Variants in CYP2J2 observed in about 807,000 individuals in gnomAD.
CYP2J2 encodes the protein cytochrome P450 family 2 subfamily J member 2.
CYP2J2 carries 41 observed loss-of-function variants against 48.8 expected under a neutral mutation model. The observed-to-expected ratio is 0.84, with a 90% CI of 0.66 to 1.09. The LOEUF (loss-of-function observed/expected upper bound fraction) is 1.09. Among genes scored for constraint, CYP2J2 ranks in the 50% least tolerant of loss-of-function variants. The probability of loss-of-function intolerance (pLI) is 0.00; values close to 1 mark genes in which losing one functional copy is unlikely to be tolerated. For synonymous variants in CYP2J2, 221 were observed against 227.1 expected (o/e 0.97, Z 0.24); for missense variants, 644 against 617.3 (o/e 1.04, Z -0.46).
chr1:59,898,466 G>A (rs968887710), intron 8 of CYP2J2, among the ~76,000 whole-genome samples: 2 of 152,218 alleles, frequency 1.3e-5, no homozygotes, highest in Admixed American at 6.5e-5. Flanking sequence ...CCAGGGGGCC[G>A]AGCCAAGATG....
chr1:59,939,343 A>G, the CYP2J2 span, among the ~76,000 whole-genome samples: 431 of 152,296 alleles, frequency 2.8e-3, 7 homozygotes, highest in Admixed American at 0.027. Flanking sequence ...CATAGAAGTA[A>G]TGCCTTGATG....
chr1:59,953,912 G>T, the CYP2J2 span, among the ~76,000 whole-genome samples: 1 of 152,116 alleles, frequency 6.6e-6, no homozygotes, highest in African/African-American at 2.4e-5. Context: ...AAAGACACTG[G>T]AGAACTTGGG....
At chr1:59,921,598 G>T (rs893393962) in intron 1 of CYP2J2, among the ~76,000 whole-genome samples, 1 of 151,922 alleles carries the variant, frequency 6.6e-6, no homozygotes. Flanking sequence ...GCTCTTCTAG[G>T]TCTCTTTAGG....
At chr1:59,942,750 G>A in the CYP2J2 span, among the ~76,000 whole-genome samples, 1 of 152,046 alleles carries the variant, frequency 6.6e-6, no homozygotes, top group Non-Finnish European at 1.5e-5. Context: ...AAAAGCAGAT[G>A]GAATTCAAGA....
chr1:59,900,290 G>A (rs1443557833), intron 8 of CYP2J2, among the ~76,000 whole-genome samples: 1 of 152,140 alleles, frequency 6.6e-6, no homozygotes, highest in African/African-American at 2.4e-5. Context: ...GTGTGAGTGG[G>A]CAGCCCTTAA....
At chr1:59,963,765 C>T in the CYP2J2 span, among the ~76,000 whole-genome samples, 3 of 152,160 alleles carry the variant, frequency 2.0e-5, no homozygotes, top group Non-Finnish European at 4.4e-5. Context: ...CTATGAATAG[C>T]TATCAGGTCC....
At chr1:59,963,406 A>G in the CYP2J2 span, among the ~76,000 whole-genome samples, 1 of 152,102 alleles carries the variant, frequency 6.6e-6, no homozygotes. Context: ...GTGGTTGAAA[A>G]TTTGCCTATT....
the CYP2J2 span, among the ~76,000 whole-genome samples, chr1:59,968,215 A>G: frequency 6.6e-6 from 1 of 152,208 alleles, no homozygotes. Flanking sequence ...TTTAAAACAG[A>G]TCTTCAAAGC....
At chr1:59,916,500 G>A (rs751796842) in intron 1 of CYP2J2, among the ~76,000 whole-genome samples, 9 of 152,196 alleles carry the variant, frequency 5.9e-5, no homozygotes, top group Non-Finnish European at 8.8e-5. Context: ...TTGGGGGGCC[G>A]AGGTAGGCAA....
At chr1:59,945,535 T>C in the CYP2J2 span, among the ~76,000 whole-genome samples, 1 of 152,194 alleles carries the variant, frequency 6.6e-6, no homozygotes, top group Non-Finnish European at 1.5e-5. Context: ...TCTGTCTACT[T>C]ATATGCTAAT....
the CYP2J2 span, among the ~76,000 whole-genome samples, chr1:59,951,631 A>T: frequency 6.6e-6 from 1 of 152,198 alleles, no homozygotes; most frequent in Non-Finnish European, 1.5e-5. Context: ...ATGACTGGTC[A>T]TGGAATGAGC....
At chr1:59,954,877 C>G in the CYP2J2 span, among the ~76,000 whole-genome samples, 18 of 152,054 alleles carry the variant, frequency 1.2e-4, no homozygotes, top group East Asian at 3.5e-3. Flanking sequence ...TGGCACATGC[C>G]TATAATTTCA....
upstream of CYP2J2, among the ~76,000 whole-genome samples, chr1:59,928,693 A>G (rs1644588915): frequency 6.6e-6 from 1 of 152,202 alleles, no homozygotes; most frequent in Admixed American, 6.5e-5. Flanking sequence ...ACCCCGGGCC[A>G]TAATTGCCCT....
At chr1:59,947,557 A>G in the CYP2J2 span, among the ~76,000 whole-genome samples, 4 of 152,148 alleles carry the variant, frequency 2.6e-5, no homozygotes, top group East Asian at 1.9e-4. Context: ...GCCAACTCCC[A>G]GAGTTGCTAG....
At chr1:59,964,543 A>G in the CYP2J2 span, among the ~76,000 whole-genome samples, 1 of 152,358 alleles carries the variant, frequency 6.6e-6, no homozygotes, top group African/African-American at 2.4e-5. Flanking sequence ...TAATTTGCAG[A>G]GATGGCATGC....
chr1:59,907,522 C>G (rs1160244480), intron 6 of CYP2J2, among the ~76,000 whole-genome samples: 2 of 152,222 alleles, frequency 1.3e-5, no homozygotes, highest in Non-Finnish European at 2.9e-5. Flanking sequence ...CTGGAACTAT[C>G]TCAATGTCGA....
the CYP2J2 span, among the ~76,000 whole-genome samples, chr1:59,959,891 C>T: frequency 6.6e-6 from 1 of 152,012 alleles, no homozygotes; most frequent in Non-Finnish European, 1.5e-5. Flanking sequence ...TTTGGGGACT[C>T]CGGGGGAAGA....
intron 2 of CYP2J2, among the ~76,000 whole-genome samples, chr1:59,914,011 T>C (rs1273414146): frequency 6.6e-6 from 1 of 152,210 alleles, no homozygotes; most frequent in Non-Finnish European, 1.5e-5. Flanking sequence ...AAGTTCCCTG[T>C]CCTTTTCATT....
chr1:59,894,802 T>C (rs1396830128), intron 8 of CYP2J2, among the ~76,000 whole-genome samples: 1 of 152,186 alleles, frequency 6.6e-6, no homozygotes, highest in Non-Finnish European at 1.5e-5. Context: ...ATTAACTTGA[T>C]CTGGTTAATT....
Sources: gnomAD v4.1 joint callset for allele counts (sites outside exome capture counted in the v4.1 genomes callset) on GRCh38, gnomAD v4.1.1 for gene constraint, MANE v1.5 for transcripts, NCBI Gene and HGNC (gene_info 2026-07-23, HGNC 2026-07-21) for gene names.